The following ADARB2 variants were observed in gnomAD, a reference collection of about 807,000 sequenced individuals.
ADARB2 encodes the protein inactive double-stranded RNA-specific editase B2.
In ADARB2, 25 loss-of-function variants were observed where a neutral mutation model predicts 62.2. The ratio of observed to expected loss-of-function variants is 0.40; its 90% CI spans 0.29 to 0.56. The LOEUF (loss-of-function observed/expected upper bound fraction) is 0.56. Among genes scored for constraint, ADARB2 ranks in the 20% least tolerant of loss-of-function variants. The probability of loss-of-function intolerance (pLI) is 0.43; values close to 1 mark genes in which losing one functional copy is unlikely to be tolerated. For missense variants in ADARB2, 1,071 were observed against 1,077.4 expected (o/e 0.99, Z 0.08); for synonymous variants, 572 against 500.8 (o/e 1.14, Z -1.90).
chr10:1,227,725 A>G (rs1047868262), intron 6 of ADARB2, among the ~76,000 whole-genome samples: 1 of 151,970 alleles, frequency 6.6e-6, no homozygotes, highest in African/African-American at 2.4e-5. Flanking sequence ...CACAAGGGGG[A>G]GAGAGAGCAC....
chr10:1,213,832 C>G (rs529937327), intron 7 of ADARB2, among the ~76,000 whole-genome samples: 1 of 152,364 alleles, frequency 6.6e-6, no homozygotes, highest in African/African-American at 2.4e-5. Context: ...AGTGCTTGGA[C>G]CTGCCAGCGT....
At chr10:1,365,260 T>C (rs1397503744) in intron 2 of ADARB2, among the ~76,000 whole-genome samples, 3 of 152,142 alleles carry the variant, frequency 2.0e-5, no homozygotes, top group African/African-American at 7.2e-5. Flanking sequence ...GATGTTACTA[T>C]GGTGATTGTC....
At chr10:1,578,191 C>T (rs1833047403) in intron 1 of ADARB2, among the ~76,000 whole-genome samples, 2 of 152,190 alleles carry the variant, frequency 1.3e-5, no homozygotes, top group Admixed American at 6.5e-5. Context: ...GGGTTCCCAG[C>T]ACTTCCCGCA....
intron 1 of ADARB2, among the ~76,000 whole-genome samples, chr10:1,660,269 T>G (rs1320936018): frequency 6.6e-6 from 1 of 152,268 alleles, no homozygotes; most frequent in Non-Finnish European, 1.5e-5. Flanking sequence ...CTTCTGCAGG[T>G]GCACTAACAG....
At position 1,399,333 on chromosome 10, in the gene ADARB2, C is replaced by T. The variant is rs555903134; in HGVS notation, c.101-20173G>A. On this transcript the variant is annotated intron_variant, in intron 1 of 9. Coordinates refer to ENST00000381312, the MANE Select transcript of ADARB2 (RefSeq NM_018702.4). ...ATGAAGAGGGATGGTGTTTTGGGCC[C>T]GTGATGGGTGACGCCACCCCAGATT... Among the ~76,000 whole-genome samples the T allele has an allele frequency of 8.5e-5, 13 of 152,238 alleles. No individual in the cohort carries two copies. The South Asian group carries it at 1.7e-3, about 19-fold the overall frequency.
At chr10:1,351,563 C>A (rs1832141012) in intron 3 of ADARB2, among the ~76,000 whole-genome samples, 1 of 152,126 alleles carries the variant, frequency 6.6e-6, no homozygotes, top group Non-Finnish European at 1.5e-5. Context: ...TCATTGCCGC[C>A]TTTTCCCCCA....
Position 1,598,683 on chromosome 10 carries a change from G to C in ADARB2, c.100+138368C>G, listed in dbSNP as rs373969073. ...CCCTGGGCAGGAGGAGCCCACAGAA[G>C]ATGCAGAAGGCCCCAGGAGAGCTGG... On this transcript the variant is annotated intron_variant, in intron 1 of 9. Coordinates refer to ENST00000381312, the MANE Select transcript of ADARB2 (RefSeq NM_018702.4). Among the ~76,000 whole-genome samples, 725 of 152,342 alleles carry C rather than the reference G, an allele frequency of 4.8e-3. 6 individuals are homozygous for C. Among genetic ancestry groups the C allele is most frequent in the African/African-American group, 0.017 (687 of 41,582 alleles).
At position 1,581,826 on chromosome 10, in the gene ADARB2, A is replaced by ATG. The variant is rs56180704; in HGVS notation, c.100+155223_100+155224dup. ...AGGCATAGAGATGACTTAGAAATAG[A>ATG]TGTGTGTGTGTGTGTGTGTGTGTGT... is the stretch of plus-strand genomic sequence containing the variant. On this transcript the variant is annotated intron_variant, in intron 1 of 9. Transcript: ENST00000381312. Among the ~76,000 whole-genome samples the ATG allele has an allele frequency of 8.2e-3, 1,210 of 148,452 alleles. 18 individuals carry two copies. Among genetic ancestry groups the ATG allele is most frequent in the African/African-American group, 0.028 (1,134 of 39,910 alleles).
intron 1 of ADARB2, among the ~76,000 whole-genome samples, chr10:1,692,986 C>A (rs1834692591): frequency 6.6e-6 from 1 of 152,170 alleles, no homozygotes; most frequent in Non-Finnish European, 1.5e-5. Flanking sequence ...CTGGACCTCC[C>A]CACCCTCCAG....
chr10:1,398,942 C>T lies in ADARB2; in HGVS notation c.101-19782G>A, dbSNP rs113346423. On this transcript the variant is annotated intron_variant, in intron 1 of 9. Transcript: ENST00000381312. The surrounding 1 kb of genome is among the most constrained non-coding windows in gnomAD (Gnocchi z 4.1). ...GAACCACCGAAGAGCCTTCCAGGGA[C>T]TTCTAAGAGTGGGCACTTACTTCAG... is the stretch of plus-strand genomic sequence containing the variant. Among the ~76,000 whole-genome samples, 2,898 of 152,266 alleles carry T rather than the reference C, an allele frequency of 0.019. 40 individuals carry two copies. The highest frequency in any genetic ancestry group is 0.044 in the Middle Eastern group (13 of 294).
intron 8 of ADARB2, among the ~76,000 whole-genome samples, chr10:1,189,755 C>T (rs1025019306): frequency 4.6e-5 from 7 of 150,912 alleles, no homozygotes; most frequent in Non-Finnish European, 8.8e-5. Context: ...GAACACGTGG[C>T]GCTACCTCCT....
intron 1 of ADARB2, among the ~76,000 whole-genome samples, chr10:1,470,412 C>A (rs1831306279): frequency 6.6e-6 from 1 of 152,184 alleles, no homozygotes; most frequent in Admixed American, 6.5e-5. Flanking sequence ...GCACTGTAGG[C>A]CCTGTGGGGC....
chr10:1,326,628 A>T (rs11250417), intron 3 of ADARB2, among the ~76,000 whole-genome samples: 60,043 of 152,118 alleles, frequency 0.39, 11,944 homozygotes, highest in Middle Eastern at 0.43. Flanking sequence ...TGAGCAGAAG[A>T]AAAAGAAGAA....
intron 1 of ADARB2, among the ~76,000 whole-genome samples, chr10:1,450,711 G>A (rs1347112525): frequency 2.0e-5 from 3 of 152,246 alleles, no homozygotes; most frequent in Non-Finnish European, 4.4e-5. Context: ...GGTGAGTGGC[G>A]AGGAAGGGAG....
At chr10:1,544,799 T>C (rs1185179434) in intron 1 of ADARB2, among the ~76,000 whole-genome samples, 1 of 152,126 alleles carries the variant, frequency 6.6e-6, no homozygotes, top group Admixed American at 6.5e-5. Context: ...ATAAAGTCTA[T>C]ATAACATGTA....
At chr10:1,215,300 G>A (rs186875872) in intron 7 of ADARB2, among the ~76,000 whole-genome samples, 23 of 152,332 alleles carry the variant, frequency 1.5e-4, no homozygotes, top group African/African-American at 5.5e-4. Context: ...GGGTGGCTGC[G>A]TTTTGAAGAG....
At chr10:1,401,332 C>T (rs1421182538) in intron 1 of ADARB2, among the ~76,000 whole-genome samples, 2 of 152,232 alleles carry the variant, frequency 1.3e-5, no homozygotes, top group Non-Finnish European at 2.9e-5. Flanking sequence ...CTGCGGGGAC[C>T]AGGGTTTTGG....
At chr10:1,349,367 C>G (rs138242152) in intron 3 of ADARB2, among the ~76,000 whole-genome samples, 3,444 of 152,202 alleles carry the variant, frequency 0.023, 57 homozygotes, top group South Asian at 0.032. Flanking sequence ...AAATAAACAG[C>G]CATGTTGCTC....
At chr10:1,566,063 CAAAAAAAAAAAAAAAAAAA>C (rs376967105) in intron 1 of ADARB2, among the ~76,000 whole-genome samples, 52 of 128,012 alleles carry the variant, frequency 4.1e-4, no homozygotes, top group African/African-American at 1.5e-3. Flanking sequence ...CTCAGTCTAG[CAAAAAAAAAAAAAAAAAAA>C]AAAAAAAAAA....
Sources: allele counts gnomAD v4.1 joint callset (sites outside exome capture counted in the v4.1 genomes callset), GRCh38; gene constraint gnomAD v4.1.1; non-coding constraint Gnocchi (gnomAD v3.1); transcripts MANE v1.5; gene names NCBI Gene and HGNC (gene_info 2026-07-23, HGNC 2026-07-21).